The following LIN54 variants were observed in gnomAD, a reference collection of about 807,000 sequenced individuals.
The protein encoded by LIN54 is protein lin-54 homolog.
A neutral mutation model predicts 78.7 loss-of-function variants in LIN54; 9 were observed. The observed-to-expected ratio is 0.11, with a 90% CI of 0.07 to 0.20. The LOEUF is 0.20. Among genes scored for constraint, LIN54 ranks in the 10% least tolerant of loss-of-function variants. LIN54 has a pLI of 1.00. For missense variants in LIN54, 573 were observed against 889.9 expected (o/e 0.64, Z 4.53); for synonymous variants, 269 against 318.4 (o/e 0.84, Z 1.65).
In LIN54 at chr4:82,933,113, C is replaced by A. The variant is rs115092672; in HGVS notation, c.1846-1968G>T. On this transcript the variant is annotated intron_variant, in intron 11 of 12. Coordinates refer to ENST00000340417, the MANE Select transcript of LIN54 (RefSeq NM_194282.4). ...AAAAATGGATGTAAGTTTGTGTTAA[C>A]TGGGTTACTGTGAGCCTGAATGGGA... is the stretch of plus-strand genomic sequence containing the variant. Among the ~76,000 whole-genome samples, 771 of 151,826 alleles carry A rather than the reference C, an allele frequency of 5.1e-3. 15 individuals carry two copies. The highest frequency in any genetic ancestry group is 0.018 in the African/African-American group (735 of 41,446).
chr4:82,946,488 C>A lies in LIN54; in HGVS notation c.952-14G>T, dbSNP rs1182860848. The A allele has an allele frequency of 6.3e-7, 1 of 1,578,596 alleles. No individual in the cohort carries two copies. The highest frequency in any genetic ancestry group is 8.7e-7 in the Non-Finnish European group (1 of 1,147,836). Reference sequence around the variant, plus strand: ...TGATTTCACTGCCTATTAAACAATACAACATGGCTGTCATTAATCTGGGAT... The same window carrying A: ...TGATTTCACTGCCTATTAAACAATAAAACATGGCTGTCATTAATCTGGGAT... On this transcript the variant is annotated splice_polypyrimidine_tract_variant and intron_variant, in intron 4 of 12. Transcript: ENST00000340417.
chr4:82,960,819 G>A (rs139989365), intron 4 of LIN54, among the ~76,000 whole-genome samples: 1 of 152,130 alleles, frequency 6.6e-6, no homozygotes, highest in Non-Finnish European at 1.5e-5. Flanking sequence ...CAGCACTTTT[G>A]GGAGGCTGAG....
intron 1 of LIN54, among the ~76,000 whole-genome samples, chr4:82,996,069 C>T (rs1465812040): frequency 4.6e-5 from 7 of 151,652 alleles, no homozygotes; most frequent in Non-Finnish European, 8.8e-5. Context: ...TGCTTGAACC[C>T]GGGAGGCGGA....
At chr4:82,973,885 A>G (rs1230285695) in intron 3 of LIN54, among the ~76,000 whole-genome samples, 1 of 152,170 alleles carries the variant, frequency 6.6e-6, no homozygotes, top group Non-Finnish European at 1.5e-5. Flanking sequence ...ATATTCATGC[A>G]ACAATATGCA....
intron 1 of LIN54, among the ~76,000 whole-genome samples, chr4:82,996,816 C>T (rs1247466114): frequency 1.3e-5 from 2 of 151,846 alleles, no homozygotes; most frequent in African/African-American, 4.8e-5. Context: ...GGTTTAAGTC[C>T]GGTGAGAGTT....
intron 3 of LIN54, among the ~76,000 whole-genome samples, chr4:82,971,204 A>C (rs572109115): frequency 6.6e-6 from 1 of 152,204 alleles, no homozygotes; most frequent in African/African-American, 2.4e-5. Context: ...CATTATTCCC[A>C]TTCACCAAGT....
chr4:82,953,145 C>G (rs1016394008), intron 4 of LIN54, among the ~76,000 whole-genome samples: 1 of 152,054 alleles, frequency 6.6e-6, no homozygotes, highest in Non-Finnish European at 1.5e-5. Flanking sequence ...TGCATCACTA[C>G]GCCCAGCTAA....
rs1264841525 is a variant in LIN54, at chr4:82,984,393, G to A, written c.452C>T (p.Pro151Leu). 6.2e-7 allele frequency: 1 copy of A among 1,614,122 alleles called. No individual in the cohort carries two copies. Among genetic ancestry groups the A allele is most frequent in the Admixed American group, 1.7e-5 (1 of 60,014 alleles). Residue 151 changes from proline to leucine, a missense_variant, in exon 2 of 13, where the codon CCA becomes CTA. Physicochemically the swap from Pro to Leu is moderately conservative, Grantham distance 98. This residue lies in a region of LIN54 where 183 missense variants were observed against 228.4 expected (regional missense o/e 0.80). Transcript: ENST00000340417. ...GCTATGGGGTAGTGCTAAAACAATT[G>A]GTGAACCAGACTTGCCCAAAGTTGT... is the stretch of plus-strand genomic sequence containing the variant. ...ILTTLGKSGS[P>L]IVLALPHSQL... is the part of the protein sequence containing the mutation.
chr4:82,949,982 A>G (rs1242757707), intron 4 of LIN54, among the ~76,000 whole-genome samples: 1 of 151,084 alleles, frequency 6.6e-6, no homozygotes, highest in African/African-American at 2.4e-5. Context: ...AGTAGCTGGG[A>G]TTACAGGAGT....
Position 82,984,595 on chromosome 4 carries a change from T to C in LIN54, c.250A>G (p.Lys84Glu), listed in dbSNP as rs1367819129. The C allele has an allele frequency of 1.2e-6, 2 of 1,614,100 alleles. No homozygotes were observed. Among genetic ancestry groups the C allele is most frequent in the Non-Finnish European group, 1.7e-6 (2 of 1,180,046 alleles). Reference protein sequence around the residue: ...NQVAVNTTITKADSNTTVKPA... With the variant: ...NQVAVNTTITEADSNTTVKPA... ...TTCACTGTGGTATTAGAATCTGCTT[T>C]AGTAATTGTGGTATTCACTGCAACT... The change falls in exon 2 of 13, where the codon AAA (lysine) becomes GAA (glutamate). Residue 84 changes from lysine (K) to glutamate (E), a missense_variant. By Grantham distance (56) the Lys-to-Glu change is moderately conservative (BLOSUM62 1). This residue lies in a region of LIN54 where 183 missense variants were observed against 228.4 expected (regional missense o/e 0.80). Coordinates refer to ENST00000340417, the MANE Select transcript of LIN54 (RefSeq NM_194282.4).
chr4:82,933,049 T>G (rs573090493), intron 11 of LIN54, among the ~76,000 whole-genome samples: 2 of 152,080 alleles, frequency 1.3e-5, no homozygotes, highest in Admixed American at 1.3e-4. Flanking sequence ...ACTCTGCTCC[T>G]TTCTTATAAG....
intron 1 of LIN54, among the ~76,000 whole-genome samples, chr4:82,995,035 A>T (rs1728073113): frequency 1.3e-5 from 2 of 152,056 alleles, no homozygotes; most frequent in Admixed American, 1.3e-4. Context: ...TCACACCTGT[A>T]ATCCCAACAC....
At position 82,936,266 on chromosome 4, in the gene LIN54, A is replaced by G. The variant is rs1722385835; in HGVS notation, c.1707+13T>C. The G allele has an allele frequency of 1.3e-6, 2 of 1,534,374 alleles. No individual in the cohort carries two copies. Among genetic ancestry groups the G allele is most frequent in the African/African-American group, 1.4e-5 (1 of 72,588 alleles). ...GATATTTCTGTCAGTTAAATGAAAT[A>G]AAAAATAATCACCTTTATTGCTTTT... On this transcript the variant is annotated intron_variant, in intron 10 of 12. Transcript: ENST00000340417.
chr4:82,973,402 C>A (rs1043648256), intron 3 of LIN54, among the ~76,000 whole-genome samples: 10 of 152,246 alleles, frequency 6.6e-5, no homozygotes, highest in Admixed American at 5.9e-4. Context: ...ATCCTGGTAG[C>A]ATTTCTGATT....
In LIN54 at chr4:82,925,811, G is replaced by A. The variant is rs1721421650; in HGVS notation, c.*2291C>T. The A allele has an allele frequency of 6.6e-6, 1 of 152,512 alleles. No individual in the cohort carries two copies. The highest frequency in any genetic ancestry group is 2.4e-5 in the African/African-American group (1 of 41,418). The allele number at this position is 152,512 out of a possible 1,614,324, so 9.4% of individuals were successfully genotyped here. A position where few individuals can be genotyped will look rare whatever the true frequency, so the allele number is the denominator to read the frequency against. ...AAAGTGTATTCTTTGAATAGCTCTA[G>A]TAAATATAAATTTAATCTTTCTACT... On this transcript the variant is annotated 3_prime_UTR_variant, in exon 13 of 13. Transcript: ENST00000340417.
upstream of LIN54, among the ~76,000 whole-genome samples, chr4:83,012,626 G>A (rs1001534705): frequency 1.3e-5 from 2 of 152,038 alleles, no homozygotes; most frequent in African/African-American, 4.8e-5. Flanking sequence ...GAAGGGGCGC[G>A]GCGGACCCCG....
intron 12 of LIN54, among the ~76,000 whole-genome samples, chr4:82,929,597 G>C (rs563004317): frequency 6.6e-6 from 1 of 152,164 alleles, no homozygotes; most frequent in South Asian, 2.1e-4. Context: ...CTGAGGTCAG[G>C]CGTTCAAGAC....
chr4:82,937,175 T>A, intron 9 of LIN54, 52 bp downstream of exon 9: 1 of 912,476 alleles, frequency 1.1e-6, no homozygotes. Flanking sequence ...CATTTACTTT[T>A]AAGTGCATTT....
rs1003297045 is a variant in LIN54, at chr4:82,958,633, G to A, written c.951+11694C>T. On this transcript the variant is annotated intron_variant, in intron 4 of 12. Transcript: ENST00000340417. ...AGTCAACAGAATCAAATCAACATAA[G>A]TGATTTGATGCCCACTATTATTTAC... Among the ~76,000 whole-genome samples, 77 of 152,204 alleles carry A rather than the reference G, an allele frequency of 5.1e-4. No homozygotes were observed. In the Middle Eastern group the frequency reaches 0.017, roughly 34 times the overall value.
Sources: gnomAD v4.1 joint callset for allele counts (sites outside exome capture counted in the v4.1 genomes callset) on GRCh38, gnomAD v4.1.1 for gene constraint, gnomAD v4.1.1 regional missense constraint, MANE v1.5 for transcripts, NCBI Gene and HGNC (gene_info 2026-07-23, HGNC 2026-07-21) for gene names.